NELL1: variants seen among roughly 807,000 people sequenced by gnomAD.
NELL1 encodes protein kinase C-binding protein NELL1.
NELL1 carries 76 observed loss-of-function variants against 107.4 expected under a neutral mutation model. That is an observed-to-expected ratio of 0.71 (90% CI 0.59 to 0.86). NELL1 has a LOEUF of 0.86. Ranked by LOEUF, NELL1 falls within the 40% of genes least tolerant of loss-of-function variation. The pLI is 0.00. For missense variants in NELL1, 1,024 were observed against 1,005.5 expected (o/e 1.02, Z -0.25); for synonymous variants, 353 against 341.2 (o/e 1.03, Z -0.38).
At chr11:21,369,249 C>T (rs961387214) in intron 14 of NELL1, among the ~76,000 whole-genome samples, 4 of 151,970 alleles carry the variant, frequency 2.6e-5, no homozygotes, top group Non-Finnish European at 5.9e-5. Flanking sequence ...TTTGAAATGT[C>T]AGTCACCACA....
At chr11:21,552,190 T>C (rs1416353780) in intron 16 of NELL1, among the ~76,000 whole-genome samples, 1 of 149,138 alleles carries the variant, frequency 6.7e-6, no homozygotes, top group Admixed American at 6.7e-5. Flanking sequence ...TAATGCTAAA[T>C]GACGAGTTAA....
chr11:20,779,640 T>G (rs1856816374), intron 2 of NELL1, among the ~76,000 whole-genome samples: 1 of 152,220 alleles, frequency 6.6e-6, no homozygotes, highest in Non-Finnish European at 1.5e-5. Context: ...ATCACTATTT[T>G]TAAGAGTTGA....
chr11:21,432,591 A>T lies in NELL1; in HGVS notation c.1645+61643A>T, dbSNP rs1194390436. On this transcript the variant is annotated intron_variant, in intron 15 of 19. Transcript: ENST00000357134. ...GATAATAGTAGGTACTTTGATAAGA[A>T]AGTTTTGGGGTATGGATTGTCACGG... Among the ~76,000 whole-genome samples the T allele has an allele frequency of 2.0e-5, 3 of 152,246 alleles. No homozygotes were observed. In the East Asian group the frequency reaches 5.8e-4, roughly 29 times the overall value.
intron 16 of NELL1, among the ~76,000 whole-genome samples, chr11:21,558,478 G>C (rs1856774031): frequency 6.6e-6 from 1 of 151,500 alleles, no homozygotes; most frequent in Non-Finnish European, 1.5e-5. Flanking sequence ...ACAATACCTT[G>C]TTATTAACTA....
intron 3 of NELL1, among the ~76,000 whole-genome samples, chr11:20,813,763 T>A (rs1857557204): frequency 6.6e-6 from 1 of 152,262 alleles, no homozygotes; most frequent in Non-Finnish European, 1.5e-5. Flanking sequence ...ACTGGAGCTG[T>A]TGGTCTGTGT....
At position 21,182,796 on chromosome 11, in the gene NELL1, G is replaced by A. The variant is rs140741369; in HGVS notation, c.1427-46536G>A. ...GAGGAAGGTAAAGAGAGGCTGGCCA[G>A]CTGATATTGTTATCTGAGGGTGCCA... On this transcript the variant is annotated intron_variant, in intron 13 of 19. Coordinates refer to ENST00000357134, the MANE Select transcript of NELL1 (RefSeq NM_006157.5). Among the ~76,000 whole-genome samples, 22 of 151,882 alleles carry A rather than the reference G, an allele frequency of 1.4e-4. No individual in the cohort carries two copies. In the East Asian group the frequency reaches 4.1e-3, roughly 28 times the overall value.
intron 3 of NELL1, among the ~76,000 whole-genome samples, chr11:20,820,228 T>G (rs1857720529): frequency 6.6e-6 from 1 of 152,192 alleles, no homozygotes; most frequent in Non-Finnish European, 1.5e-5. Flanking sequence ...ACCACAGGTA[T>G]ATACAGAATG....
chr11:21,228,385 C>G (rs1209993321), intron 13 of NELL1, among the ~76,000 whole-genome samples: 2 of 152,106 alleles, frequency 1.3e-5, no homozygotes, highest in Non-Finnish European at 2.9e-5. Context: ...ACCCATATCA[C>G]TACATGGCAG....
At chr11:21,447,073 G>C (rs1345457800) in intron 15 of NELL1, among the ~76,000 whole-genome samples, 1 of 152,146 alleles carries the variant, frequency 6.6e-6, no homozygotes, top group Non-Finnish European at 1.5e-5. Flanking sequence ...CCCACAAGTA[G>C]TATTGGCTGA....
intron 15 of NELL1, among the ~76,000 whole-genome samples, chr11:21,478,967 T>C (rs1276573994): frequency 2.0e-5 from 3 of 151,974 alleles, no homozygotes; most frequent in Non-Finnish European, 2.9e-5. Flanking sequence ...ATCAGAATAA[T>C]GCAAATCAAA....
At chr11:21,271,798 A>T (rs1305165852) in intron 14 of NELL1, among the ~76,000 whole-genome samples, 1 of 152,234 alleles carries the variant, frequency 6.6e-6, no homozygotes, top group Non-Finnish European at 1.5e-5. Flanking sequence ...ATATTATCCC[A>T]GGTAAGGCAA....
intron 16 of NELL1, among the ~76,000 whole-genome samples, chr11:21,545,466 A>G (rs1856418623): frequency 6.6e-6 from 1 of 151,930 alleles, no homozygotes; most frequent in Non-Finnish European, 1.5e-5. Context: ...TTGAAGAGTA[A>G]GAGTTGGGTA....
chr11:21,247,272 T>C (rs1340788091), intron 14 of NELL1, among the ~76,000 whole-genome samples: 1 of 152,178 alleles, frequency 6.6e-6, no homozygotes, highest in African/African-American at 2.4e-5. Flanking sequence ...ATAAATTAAC[T>C]TTAGCTTATT....
intron 12 of NELL1, chr11:21,000,832 C>T (rs1389971524): frequency 6.6e-6 from 1 of 152,152 alleles, no homozygotes. Flanking sequence ...CACTCTACTC[C>T]CCCATTCCAG....
intron 12 of NELL1, among the ~76,000 whole-genome samples, chr11:21,033,946 G>A (rs1261425235): frequency 6.6e-6 from 1 of 152,122 alleles, no homozygotes; most frequent in Admixed American, 6.5e-5. Context: ...ACTGACATGA[G>A]ATGGTATCTC....
intron 16 of NELL1, among the ~76,000 whole-genome samples, chr11:21,536,386 T>A (rs1236994309): frequency 6.6e-6 from 1 of 152,196 alleles, no homozygotes; most frequent in Non-Finnish European, 1.5e-5. Context: ...TCTCTGCCTT[T>A]ATATACGTTG....
At chr11:20,851,880 G>A (rs1480369956) in intron 4 of NELL1, among the ~76,000 whole-genome samples, 9 of 152,198 alleles carry the variant, frequency 5.9e-5, no homozygotes, top group Non-Finnish European at 1.3e-4. Context: ...AAGCCTGGAT[G>A]CAGACAGGAG....
chr11:20,816,627 T>C (rs1343025909), intron 3 of NELL1, among the ~76,000 whole-genome samples: 1 of 152,152 alleles, frequency 6.6e-6, no homozygotes. Context: ...TGGATGCTTT[T>C]TATTTATTTC....
chr11:21,124,478 A>G (rs1855444036), intron 13 of NELL1, among the ~76,000 whole-genome samples: 1 of 152,194 alleles, frequency 6.6e-6, no homozygotes, highest in Non-Finnish European at 1.5e-5. Flanking sequence ...GCTGTAATGA[A>G]ATACCTGACA....
Sources: gnomAD v4.1 joint callset for allele counts (sites outside exome capture counted in the v4.1 genomes callset) on GRCh38, gnomAD v4.1.1 for gene constraint, MANE v1.5 for transcripts, NCBI Gene and HGNC (gene_info 2026-07-23, HGNC 2026-07-21) for gene names.